Variants in ABCB8 observed in about 807,000 individuals in gnomAD.
ABCB8 encodes ATP binding cassette subfamily B member 8, also known as mitochondrial potassium channel ATP-binding subunit.
ABCB8 carries 52 observed loss-of-function variants against 73.0 expected under a neutral mutation model. That is an observed-to-expected ratio of 0.71 (90% CI 0.57 to 0.90). The LOEUF is 0.90. ABCB8 is among the 40% of genes least tolerant of loss of function. ABCB8 has a pLI of 0.00. For missense variants in ABCB8, 909 were observed against 974.6 expected (o/e 0.93, Z 0.90); for synonymous variants, 428 against 423.5 (o/e 1.01, Z -0.13).
In ABCB8 at chr7:151,036,532, C is replaced by G; in HGVS notation, c.1112-12C>G. On this transcript the variant is annotated splice_polypyrimidine_tract_variant and intron_variant, in intron 8 of 15. Coordinates refer to ENST00000358849, the MANE Select transcript of ABCB8 (RefSeq NM_007188.5). Reference sequence around the variant, plus strand: ...CCTGGCTTCGTCCTCCCTCACTTCCCCTCTCCTGCAGGCATGGTCTTGGGT... The same window carrying G: ...CCTGGCTTCGTCCTCCCTCACTTCCGCTCTCCTGCAGGCATGGTCTTGGGT... 1.2e-6 allele frequency: 2 copies of G among 1,611,194 alleles called. No individual in the cohort carries two copies. The highest frequency in any genetic ancestry group is 1.7e-6 in the Non-Finnish European group (2 of 1,177,384).
intron 1 of ABCB8, 136 bp from the exon 2 acceptor site, chr7:151,033,469 T>C (rs1037497050): frequency 6.9e-7 from 1 of 1,443,994 alleles, no homozygotes. Flanking sequence ...AGAACAGCCC[T>C]GAGAAGGGCA....
At position 151,034,740 on chromosome 7, in the gene ABCB8, T is replaced by C; in HGVS notation, c.676T>C (p.Phe226Leu). 3.1e-6 allele frequency: 5 copies of C among 1,614,088 alleles called. No homozygotes were observed. Among genetic ancestry groups the C allele is most frequent in the Non-Finnish European group, 3.4e-6 (4 of 1,179,956 alleles). The part of the protein sequence containing the change: ...SSLLRQDITF[F>L]DANKTGQLVS... ...CCATGCCAGACAAGACATCACCTTCTTTGACGCCAATAAGACAGGGCAGCT... is the reference window on the plus strand; with the variant it reads ...CCATGCCAGACAAGACATCACCTTCCTTGACGCCAATAAGACAGGGCAGCT... The change falls in exon 5 of 16, where the codon TTT becomes CTT. Residue 226 changes from phenylalanine to leucine, a missense_variant. Transcript: ENST00000358849.
intron 9 of ABCB8, chr7:151,038,904 G>C (rs1364863869): frequency 6.6e-6 from 1 of 152,314 alleles, no homozygotes; most frequent in Non-Finnish European, 1.5e-5. Context: ...GGTCCTGCCA[G>C]CTAAGCCAAG....
intron 9 of ABCB8, chr7:151,037,499 C>A (rs61218626): frequency 4.0e-5 from 24 of 601,350 alleles, no homozygotes; most frequent in African/African-American, 2.2e-4. Flanking sequence ...GGGCCTCCCC[C>A]CTCCTATCTC....
rs1172973928 is a variant in ABCB8, at chr7:151,033,743, G to C, written c.234G>C (p.Leu78=). 1.1e-5 allele frequency: 17 copies of C among 1,613,886 alleles called. No individual in the cohort carries two copies. The highest frequency in any genetic ancestry group is 2.7e-5 in the African/African-American group (2 of 74,916). Residue 78 remains leucine (L), a synonymous_variant, in exon 2 of 16, where the codon CTG becomes CTC. Transcript: ENST00000358849. ...CCTGGTGCTGGGTTGGGGGAGCCCT[G>C]CTAGGCCCCATGGTACTGAGTAAGC... ...PSAWCWVGGA[L]LGPMVLSKHP...
At chr7:151,042,154 C>T (rs774752024) in intron 14 of ABCB8, 46 bp downstream of exon 14, 2 of 1,602,622 alleles carry the variant, frequency 1.2e-6, no homozygotes, top group East Asian at 4.5e-5. Context: ...GGCACTGGGA[C>T]ACAGGATTCC....
At position 151,040,312 on chromosome 7, in the gene ABCB8, G is replaced by A. The variant is rs1563299387; in HGVS notation, c.1251+11G>A. 8 of 1,612,680 alleles carry A rather than the reference G, an allele frequency of 5.0e-6. No individual in the cohort carries two copies. Among genetic ancestry groups the A allele is most frequent in the Admixed American group, 1.7e-5 (1 of 59,508 alleles). The stretch of plus-strand genomic sequence containing the variant: ...GTCCTGTTTGGGCAGGTGAGTGGCC[G>A]GTAGGGTGGAGGGCCTGGGGTGTGG... On this transcript the variant is annotated intron_variant, in intron 10 of 15. Coordinates refer to ENST00000358849, the MANE Select transcript of ABCB8 (RefSeq NM_007188.5).
At chr7:151,036,684 C>T (rs1206445864) in intron 9 of ABCB8, 35 bp downstream of exon 9, 2 of 1,536,146 alleles carry the variant, frequency 1.3e-6, no homozygotes, top group East Asian at 2.3e-5. Context: ...TACAGAGCCC[C>T]CTGCCGCCCT....
In ABCB8 at chr7:151,045,291, C is replaced by T; in HGVS notation, c.2099C>T (p.Thr700Ile). The T allele has an allele frequency of 6.2e-7, 1 of 1,603,152 alleles. No individual in the cohort carries two copies. Among genetic ancestry groups the T allele is most frequent in the Non-Finnish European group, 8.5e-7 (1 of 1,174,572 alleles). The change falls in exon 16 of 16, where the codon ACA becomes ATA. Residue 700 changes from threonine to isoleucine, a missense_variant. Physicochemically the swap from Thr to Ile is moderately conservative, Grantham distance 89. Transcript: ENST00000358849. ...IRRQALDAPR[T>I]AAPPPKKPEG... ...AGGCAGGCCCTGGATGCCCCGAGGA[C>T]AGCGGCCCCACCGCCCAAAAAGCCA...
intron 9 of ABCB8, chr7:151,039,042 C>G (rs1223110217): frequency 6.6e-6 from 1 of 152,328 alleles, no homozygotes. Context: ...CCCAGACAGA[C>G]AGCAAGTGGG....
rs780585153 is a variant in ABCB8 at position 151,036,591 on chromosome 7, C to T, written c.1159C>T (p.Gln387Ter). 2.3e-5 allele frequency: 37 copies of T among 1,613,814 alleles called. No individual in the cohort carries two copies. The South Asian group carries it at 3.6e-4, about 16-fold the overall frequency. Residue 387 changes from glutamine to a stop codon, truncating the protein, a stop_gained, in exon 9 of 16, where the codon CAG becomes TAG. Transcript: ENST00000358849. LOFTEE classifies it high-confidence loss of function. ...LFIGGSLVAG[Q>*]QLTGGDLMSF... ...TATTGGGGGCTCCCTTGTGGCCGGACAGCAGCTGACAGGGGGAGACCTCAT... is the reference window on the plus strand; with the variant it reads ...TATTGGGGGCTCCCTTGTGGCCGGATAGCAGCTGACAGGGGGAGACCTCAT...
Position 151,044,147 on chromosome 7 carries a change from G to C in ABCB8, c.1942G>C (p.Val648Leu). Residue 648 changes from valine to leucine, a missense_variant, in exon 15 of 16, where the codon GTA becomes CTA. Coordinates refer to ENST00000358849, the MANE Select transcript of ABCB8 (RefSeq NM_007188.5). ...GGCCAGTGCAGGCCGCACGGTGCTG[G>C]TAATTGCCCACCGGCTCAGCACTGT... is the stretch of plus-strand genomic sequence containing the variant. ...DRASAGRTVL[V>L]IAHRLSTVRG... 6.2e-7 allele frequency: 1 copy of C among 1,613,974 alleles called. No homozygotes were observed.
intron 9 of ABCB8, chr7:151,037,041 G>A (rs927292602): frequency 2.0e-5 from 14 of 686,872 alleles, no homozygotes; most frequent in South Asian, 6.1e-5. Flanking sequence ...TGTTGTCACC[G>A]TCCGCCTCCA....
chr7:151,045,675 C>G lies in ABCB8; in HGVS notation c.*326C>G. Reference sequence around the variant, plus strand: ...CCCTCCAGACCTCTCAAGAGACGTTCTGGCCAGTCTCCCTGCCCCACCCAG... The same window carrying G: ...CCCTCCAGACCTCTCAAGAGACGTTGTGGCCAGTCTCCCTGCCCCACCCAG... On this transcript the variant is annotated 3_prime_UTR_variant, in exon 16 of 16. Coordinates refer to ENST00000358849, the MANE Select transcript of ABCB8 (RefSeq NM_007188.5). 3.8e-6 allele frequency: 1 copy of G among 263,988 alleles called. No homozygotes were observed. The highest frequency in any genetic ancestry group is 7.1e-6 in the Non-Finnish European group (1 of 140,838). 16.4% of individuals were successfully genotyped at this position (263,988 alleles called of 1,614,324 possible).
chr7:151,042,201 G>C, intron 14 of ABCB8, 93 bp downstream of exon 14: 1 of 1,532,828 alleles, frequency 6.5e-7, no homozygotes, highest in East Asian at 2.3e-5. Context: ...ACTGAGGGCA[G>C]CAGGGACAGC....
intron 8 of ABCB8, 33 bp from the exon 9 acceptor site, chr7:151,036,511 G>A: frequency 6.3e-7 from 1 of 1,578,350 alleles, no homozygotes; most frequent in Non-Finnish European, 8.7e-7. Flanking sequence ...CTCTGCCCTG[G>A]CTTCGTCCTC....
chr7:151,040,304 G>A lies in ABCB8; in HGVS notation c.1251+3G>A, dbSNP rs1412105641. 6.2e-7 allele frequency: 1 copy of A among 1,613,046 alleles called. No individual in the cohort carries two copies. Among genetic ancestry groups the A allele is most frequent in the Non-Finnish European group, 8.5e-7 (1 of 1,179,598 alleles). ...ACCTCTCTGTCCTGTTTGGGCAGGT[G>A]AGTGGCCGGTAGGGTGGAGGGCCTG... On this transcript the variant is annotated splice_donor_region_variant and intron_variant, in intron 10 of 15. Coordinates refer to ENST00000358849, the MANE Select transcript of ABCB8 (RefSeq NM_007188.5).
rs61743756 is a variant in ABCB8 at position 151,041,145 on chromosome 7, G to A, written c.1530G>A (p.Thr510=). 4.0e-5 allele frequency: 65 copies of A among 1,612,216 alleles called. No homozygotes were observed. The highest frequency in any genetic ancestry group is 3.1e-4 in the East Asian group (14 of 44,840). Residue 510 remains threonine (T), a synonymous_variant, in exon 13 of 16, where the codon ACG becomes ACA. Coordinates refer to ENST00000358849, the MANE Select transcript of ABCB8 (RefSeq NM_007188.5). The stretch of plus-strand genomic sequence containing the variant: ...TGCTGGAGCGCTTCTACGACCCCAC[G>A]GCAGGCGTGGTGATGCTGGATGGGC... The part of the protein sequence containing the change: ...ASLLERFYDP[T]AGVVMLDGRD...
intron 1 of ABCB8, among the ~76,000 whole-genome samples, chr7:151,032,681 G>A (rs11983731): frequency 0.027 from 4,055 of 150,018 alleles, 181 homozygotes; most frequent in African/African-American, 0.093. Flanking sequence ...GTGACGGAGC[G>A]AGACTCTGTC....
Sources: allele counts gnomAD v4.1 joint callset (sites outside exome capture counted in the v4.1 genomes callset), GRCh38; gene constraint gnomAD v4.1.1; transcripts MANE v1.5; gene names NCBI Gene and HGNC (gene_info 2026-07-23, HGNC 2026-07-21).